Variants in THEMIS observed in about 807,000 individuals in gnomAD.
THEMIS encodes the protein protein THEMIS.
In THEMIS, 37 loss-of-function variants were observed where a neutral mutation model predicts 52.6. The ratio of observed to expected loss-of-function variants is 0.70; its 90% CI spans 0.54 to 0.93. THEMIS has a LOEUF of 0.93. Ranked by LOEUF, THEMIS falls within the 40% of genes least tolerant of loss-of-function variation. The pLI is 0.00. For missense variants in THEMIS, 808 were observed against 763.1 expected, an observed-to-expected ratio of 1.06 and a Z score of -0.69; for synonymous variants, 292 against 272.7, an observed-to-expected ratio of 1.07 and a Z score of -0.70.
chr6:127,858,984 C>T (rs1194134040), intron 1 of THEMIS, among the ~76,000 whole-genome samples: 3 of 152,104 alleles, frequency 2.0e-5, no homozygotes, highest in Non-Finnish European at 4.4e-5. Flanking sequence ...TTTATGAGCT[C>T]ATCCCTTGTT....
chr6:127,867,940 AC>A, intron 1 of THEMIS, among the ~76,000 whole-genome samples: 1 of 152,194 alleles, frequency 6.6e-6, no homozygotes, highest in East Asian at 1.9e-4. Context: ...ACACACACAC[AC>A]ACAATTTTCT....
intron 4 of THEMIS, among the ~76,000 whole-genome samples, chr6:127,752,052 A>G (rs1237044194): frequency 6.6e-6 from 1 of 151,734 alleles, no homozygotes; most frequent in East Asian, 1.9e-4. Context: ...ATGGACCACT[A>G]TTGAACAGCC....
At chr6:127,832,777 C>CTTTTTA (rs1778740313) in intron 2 of THEMIS, among the ~76,000 whole-genome samples, 1 of 57,796 alleles carries the variant, frequency 1.7e-5, no homozygotes, top group Non-Finnish European at 2.9e-5. Flanking sequence ...ATTGTCAGAT[C>CTTTTTA]TTTTTTTTTT....
At chr6:127,720,181 C>T (rs749172291) in intron 4 of THEMIS, among the ~76,000 whole-genome samples, 10 of 151,820 alleles carry the variant, frequency 6.6e-5, no homozygotes, top group Non-Finnish European at 1.2e-4. Context: ...TTATATATTA[C>T]ATAATTACAT....
intron 2 of THEMIS, among the ~76,000 whole-genome samples, chr6:127,849,282 T>C (rs573184496): frequency 7.2e-5 from 11 of 152,188 alleles, no homozygotes; most frequent in African/African-American, 2.6e-4. Context: ...TCCATTGGTC[T>C]ATATCACTGT....
upstream of THEMIS, among the ~76,000 whole-genome samples, chr6:127,902,335 A>AAAAT (rs1781159727): frequency 6.7e-6 from 1 of 150,190 alleles, no homozygotes; most frequent in South Asian, 2.1e-4. Context: ...AAAAAAAAAA[A>AAAAT]AAAAAAAAAA....
At chr6:127,727,782 C>T (rs1204386711) in intron 4 of THEMIS, among the ~76,000 whole-genome samples, 2 of 152,070 alleles carry the variant, frequency 1.3e-5, no homozygotes, top group Admixed American at 6.6e-5. Context: ...AATGCATGCT[C>T]TGTTGTGAAT....
intron 4 of THEMIS, among the ~76,000 whole-genome samples, chr6:127,748,482 A>G (rs775655641): frequency 2.0e-5 from 3 of 152,086 alleles, no homozygotes; most frequent in Non-Finnish European, 4.4e-5. Context: ...TCTTAAGAAA[A>G]TTAACCCAGT....
intron 1 of THEMIS, among the ~76,000 whole-genome samples, chr6:127,862,712 A>G (rs1223972178): frequency 6.6e-6 from 1 of 151,262 alleles, no homozygotes; most frequent in Admixed American, 6.6e-5. Context: ...CAGCCACCCC[A>G]CCCAGCCCCA....
At chr6:127,782,697 C>T (rs999860548) in intron 4 of THEMIS, among the ~76,000 whole-genome samples, 15 of 152,094 alleles carry the variant, frequency 9.9e-5, no homozygotes, top group South Asian at 6.2e-4. Flanking sequence ...CACCCACCTT[C>T]TGCGTAGATC....
At chr6:127,806,420 T>A (rs1190130769) in intron 4 of THEMIS, among the ~76,000 whole-genome samples, 1 of 152,204 alleles carries the variant, frequency 6.6e-6, no homozygotes. Flanking sequence ...GGGACAGTAT[T>A]AGCTAATGTT....
chr6:127,740,859 A>G (rs906661792), intron 4 of THEMIS, among the ~76,000 whole-genome samples: 3 of 152,152 alleles, frequency 2.0e-5, no homozygotes, highest in Non-Finnish European at 4.4e-5. Flanking sequence ...TGTGACATAT[A>G]TTTTTTATAT....
At chr6:127,782,298 G>A (rs550775262) in intron 4 of THEMIS, among the ~76,000 whole-genome samples, 1 of 152,212 alleles carries the variant, frequency 6.6e-6, no homozygotes, top group South Asian at 2.1e-4. Flanking sequence ...TCATTCCAGG[G>A]GAGTGAACAG....
At chr6:127,860,305 G>C (rs1251279293) in intron 1 of THEMIS, among the ~76,000 whole-genome samples, 2 of 152,060 alleles carry the variant, frequency 1.3e-5, no homozygotes, top group African/African-American at 4.8e-5. Flanking sequence ...TTTACTAAGG[G>C]TGGATACTCC....
intron 3 of THEMIS, among the ~76,000 whole-genome samples, chr6:127,823,888 C>T (rs1778419096): frequency 6.6e-6 from 1 of 151,992 alleles, no homozygotes. Context: ...TATCTGCAAT[C>T]CTTAATCTAA....
chr6:127,850,033 A>G (rs1481420859), intron 2 of THEMIS, among the ~76,000 whole-genome samples: 4 of 152,106 alleles, frequency 2.6e-5, no homozygotes, highest in African/African-American at 9.7e-5. Context: ...ACTCAAACAA[A>G]TAAGCAAGAA....
chr6:127,789,006 A>G (rs1254664125), intron 4 of THEMIS, among the ~76,000 whole-genome samples: 3 of 152,210 alleles, frequency 2.0e-5, no homozygotes, highest in African/African-American at 7.2e-5. Context: ...AAAAGCTAGC[A>G]TAAGACAAGA....
At chr6:127,879,570 ATGTCTC>A (rs1167045789) in intron 1 of THEMIS, among the ~76,000 whole-genome samples, 1 of 149,772 alleles carries the variant, frequency 6.7e-6, no homozygotes, top group Non-Finnish European at 1.5e-5. Flanking sequence ...ATGTGTGTAA[ATGTCTC>A]TGTAAAATGA....
chr6:127,757,346 T>G (rs1346186969), intron 4 of THEMIS, among the ~76,000 whole-genome samples: 1 of 152,190 alleles, frequency 6.6e-6, no homozygotes, highest in African/African-American at 2.4e-5. Flanking sequence ...CTAGAGATAC[T>G]AATATGTTTA....
Sources: gnomAD v4.1 joint callset for allele counts (sites outside exome capture counted in the v4.1 genomes callset) on GRCh38, gnomAD v4.1.1 for gene constraint, MANE v1.5 for transcripts, NCBI Gene and HGNC (gene_info 2026-07-23, HGNC 2026-07-21) for gene names.